The following LRMDA variants were observed in gnomAD, a reference collection of about 807,000 sequenced individuals.
LRMDA encodes the protein leucine rich melanocyte differentiation associated.
In LRMDA, 18 loss-of-function variants were observed where a neutral mutation model predicts 29.8. That is an observed-to-expected ratio of 0.60 (90% CI 0.42 to 0.90). LRMDA has a LOEUF of 0.90. Among genes scored for constraint, LRMDA ranks in the 40% least tolerant of loss-of-function variants. The pLI is 0.00. For synonymous variants in LRMDA, 125 were observed against 109.4 expected, an observed-to-expected ratio of 1.14 and a Z score of -0.89; for missense variants, 273 against 273.9, an observed-to-expected ratio of 1.00 and a Z score of 0.02.
At chr10:76,371,727 A>T (rs1448110078) in intron 6 of LRMDA, among the ~76,000 whole-genome samples, 5 of 151,988 alleles carry the variant, frequency 3.3e-5, no homozygotes, top group African/African-American at 4.8e-5. Flanking sequence ...GGTGAGTTGG[A>T]TAGGGGAAGA....
chr10:76,413,612 A>AG (rs1482345684), intron 6 of LRMDA, among the ~76,000 whole-genome samples: 39 of 152,178 alleles, frequency 2.6e-4, no homozygotes, highest in African/African-American at 9.4e-4. Context: ...GTTCAAGATG[A>AG]GATTTGGGTG....
intron 5 of LRMDA, among the ~76,000 whole-genome samples, chr10:76,148,986 C>G (rs1850387027): frequency 6.6e-6 from 1 of 151,634 alleles, no homozygotes; most frequent in African/African-American, 2.4e-5. Flanking sequence ...GTTTTCCAAA[C>G]AGTTGTTCTA....
In LRMDA at chr10:75,757,619, A is replaced by G. The variant is rs144715737; in HGVS notation, c.132-278389A>G. Among the ~76,000 whole-genome samples the G allele has an allele frequency of 4.8e-3, 724 of 152,206 alleles. 7 individuals are homozygous for G. Among genetic ancestry groups the G allele is most frequent in the African/African-American group, 0.016 (681 of 41,528 alleles). ...TTCCGTCTTTTAAAAAAATGGGTGC[A>G]ATGAGATCATAGTGGAACTGCTTTG... is the stretch of plus-strand genomic sequence containing the variant. On this transcript the variant is annotated intron_variant, in intron 2 of 6. Transcript: ENST00000611255.
At chr10:75,897,199 C>G (rs1436628635) in intron 2 of LRMDA, among the ~76,000 whole-genome samples, 51 of 152,174 alleles carry the variant, frequency 3.4e-4, no homozygotes, top group Non-Finnish European at 5.9e-5. Flanking sequence ...AAATATGCCT[C>G]TTAGAATGGG....
chr10:76,257,763 C>CT (rs201043424), intron 5 of LRMDA, among the ~76,000 whole-genome samples: 1,596 of 152,288 alleles, frequency 0.01, 13 homozygotes, highest in African/African-American at 0.033. Flanking sequence ...AATTTAATGG[C>CT]TTAAAATAAG....
chr10:76,057,695 C>T (rs991403854), intron 4 of LRMDA, among the ~76,000 whole-genome samples: 8 of 152,070 alleles, frequency 5.3e-5, no homozygotes, highest in African/African-American at 1.9e-4. Flanking sequence ...TGACAGATTC[C>T]CTTGGAGATA....
At chr10:76,237,785 CTTT>C (rs33976322) in intron 5 of LRMDA, among the ~76,000 whole-genome samples, 2 of 84,110 alleles carry the variant, frequency 2.4e-5, no homozygotes, top group Non-Finnish European at 4.3e-5. Flanking sequence ...GACAAGAGTG[CTTT>C]TTTTTTTTTT....
chr10:75,888,410 C>T (rs1237203881), intron 2 of LRMDA, among the ~76,000 whole-genome samples: 3 of 152,216 alleles, frequency 2.0e-5, no homozygotes, highest in Non-Finnish European at 4.4e-5. Flanking sequence ...TCTCAGATGA[C>T]ATACACTGAA....
chr10:76,497,940 C>G lies in LRMDA; in HGVS notation c.602-59269C>G, dbSNP rs1443658769. Reference sequence around the variant, plus strand: ...TTATCTCTGAACTGTAACCCTTTGCCCTCAGATGTCATATCTCACATGTAT... The same window carrying G: ...TTATCTCTGAACTGTAACCCTTTGCGCTCAGATGTCATATCTCACATGTAT... On this transcript the variant is annotated intron_variant, in intron 6 of 6. Transcript: ENST00000611255. Among the ~76,000 whole-genome samples the G allele has an allele frequency of 2.7e-5, 2 of 75,228 alleles. 1 individual carries two copies. The highest frequency in any genetic ancestry group is 8.8e-5 in the Non-Finnish European group (2 of 22,642). The allele number at this position is 75,228 out of a possible 152,430, so 49.4% of individuals were successfully genotyped here.
intron 2 of LRMDA, among the ~76,000 whole-genome samples, chr10:75,799,939 T>G (rs1843719796): frequency 6.6e-6 from 1 of 152,200 alleles, no homozygotes; most frequent in African/African-American, 2.4e-5. Context: ...ACTTGATATG[T>G]TTGCACATTT....
At chr10:75,801,071 G>A (rs1445662503) in intron 2 of LRMDA, among the ~76,000 whole-genome samples, 3 of 152,144 alleles carry the variant, frequency 2.0e-5, no homozygotes, top group African/African-American at 7.2e-5. Context: ...TTTACCAAGC[G>A]CCTTCACCAT....
At chr10:75,553,987 TTTC>T (rs566135910) in intron 2 of LRMDA, among the ~76,000 whole-genome samples, 19 of 152,274 alleles carry the variant, frequency 1.2e-4, no homozygotes, top group African/African-American at 3.9e-4. Flanking sequence ...TGTTAGCTGT[TTTC>T]TTTTTATTTA....
chr10:75,817,352 A>T (rs1475815625), intron 2 of LRMDA, among the ~76,000 whole-genome samples: 41 of 152,234 alleles, frequency 2.7e-4, no homozygotes. Flanking sequence ...AAATTATTTC[A>T]TCTGAGATAG....
intron 5 of LRMDA, among the ~76,000 whole-genome samples, chr10:76,287,779 GCAAA>G (rs1840290676): frequency 2.0e-5 from 3 of 152,266 alleles, no homozygotes; most frequent in Admixed American, 1.3e-4. Context: ...AAAAAGACCA[GCAAA>G]CAAACAAGTC....
chr10:76,247,388 C>T (rs2132292363), intron 5 of LRMDA, among the ~76,000 whole-genome samples: 2 of 152,176 alleles, frequency 1.3e-5, no homozygotes, highest in Middle Eastern at 6.8e-3. Context: ...ACCATGAAAC[C>T]CTATGGAGTG....
intron 6 of LRMDA, among the ~76,000 whole-genome samples, chr10:76,512,813 A>G (rs960569415): frequency 2.0e-5 from 3 of 152,178 alleles, no homozygotes; most frequent in African/African-American, 7.2e-5. Flanking sequence ...GGGACATATT[A>G]ACTATTTTAA....
chr10:75,830,625 T>C (rs1844324518), intron 2 of LRMDA, among the ~76,000 whole-genome samples: 2 of 152,158 alleles, frequency 1.3e-5, no homozygotes, highest in Non-Finnish European at 1.5e-5. Context: ...GAGAACAATA[T>C]GGGAAAGACC....
chr10:76,121,347 C>T (rs1171581919), intron 5 of LRMDA, among the ~76,000 whole-genome samples: 1 of 152,154 alleles, frequency 6.6e-6, no homozygotes, highest in East Asian at 1.9e-4. Context: ...TCAGTATTTC[C>T]AGCCCATTTC....
chr10:75,564,077 C>T (rs1840338044), intron 2 of LRMDA, among the ~76,000 whole-genome samples: 1 of 152,220 alleles, frequency 6.6e-6, no homozygotes, highest in South Asian at 2.1e-4. Flanking sequence ...CAGACAGGGA[C>T]ATTTAAGTCT....
Sources: allele counts gnomAD v4.1 joint callset (sites outside exome capture counted in the v4.1 genomes callset), GRCh38; gene constraint gnomAD v4.1.1; transcripts MANE v1.5; gene names NCBI Gene and HGNC (gene_info 2026-07-23, HGNC 2026-07-21).